Variants in OSGEPL1 observed in about 807,000 individuals in gnomAD.
The protein encoded by OSGEPL1 is tRNA N6-adenosine threonylcarbamoyltransferase, mitochondrial.
In OSGEPL1, 26 loss-of-function variants were observed where a neutral mutation model predicts 37.2. That is an observed-to-expected ratio of 0.70 (90% CI 0.51 to 0.97). The LOEUF is 0.97. Ranked by LOEUF, OSGEPL1 falls within the 50% of genes least tolerant of loss-of-function variation. The pLI, the probability that OSGEPL1 is intolerant of heterozygous loss-of-function variation, is 0.00. For synonymous variants in OSGEPL1, 140 were observed against 159.9 expected, an observed-to-expected ratio of 0.88 and a Z score of 0.94; for missense variants, 404 against 487.0, an observed-to-expected ratio of 0.83 and a Z score of 1.60.
chr2:189,749,710 A>C (rs1379151476), intron 8 of OSGEPL1, among the ~76,000 whole-genome samples: 1 of 152,216 alleles, frequency 6.6e-6, no homozygotes, highest in Non-Finnish European at 1.5e-5. Context: ...GATTTTAAAA[A>C]ATGCATAGAC....
chr2:189,749,554 A>C (rs967143427), intron 8 of OSGEPL1, among the ~76,000 whole-genome samples: 19 of 152,170 alleles, frequency 1.2e-4, no homozygotes, highest in African/African-American at 4.6e-4. Context: ...TTAAAAAAAA[A>C]TCCAAAAAAA....
chr2:189,746,819 T>C lies in OSGEPL1; in HGVS notation c.*378A>G, dbSNP rs896249210. The C allele has an allele frequency of 5.3e-6, 3 of 566,958 alleles. No individual in the cohort carries two copies. The highest frequency in any genetic ancestry group is 8.2e-6 in the Non-Finnish European group (3 of 364,110). 35.1% of individuals were successfully genotyped at this position (566,958 alleles called of 1,614,324 possible). Reference sequence around the variant, plus strand: ...AGGTCAGAGTTATGGTTTCAAAAAATTAGGATTTCTGTAAACAAAGGCCTG... The same window carrying C: ...AGGTCAGAGTTATGGTTTCAAAAAACTAGGATTTCTGTAAACAAAGGCCTG... On this transcript the variant is annotated 3_prime_UTR_variant, in exon 9 of 9. Transcript: ENST00000264151.
chr2:189,756,723 C>T (rs577012929), intron 2 of OSGEPL1, among the ~76,000 whole-genome samples: 1 of 152,224 alleles, frequency 6.6e-6, no homozygotes, highest in East Asian at 1.9e-4. Flanking sequence ...AAGTTTATCA[C>T]CACTCCCACT....
intron 7 of OSGEPL1, among the ~76,000 whole-genome samples, chr2:189,751,449 T>TG (rs1293199981): frequency 1.3e-5 from 2 of 150,510 alleles, no homozygotes; most frequent in East Asian, 3.9e-4. Flanking sequence ...GTTGTGTTTT[T>TG]TTTTTTTTTT....
intron 8 of OSGEPL1, among the ~76,000 whole-genome samples, chr2:189,749,987 G>A (rs911529111): frequency 1.3e-5 from 2 of 152,144 alleles, no homozygotes; most frequent in African/African-American, 4.8e-5. Context: ...GCCAGACGTG[G>A]TGGTGGGCTC....
At chr2:189,751,198 T>C (rs1347401128) in intron 7 of OSGEPL1, among the ~76,000 whole-genome samples, 2 of 152,198 alleles carry the variant, frequency 1.3e-5, no homozygotes, top group African/African-American at 4.8e-5. Context: ...TCTGCTTTTC[T>C]ACCATGGTGT....
At chr2:189,756,558 T>A (rs115614782) in intron 2 of OSGEPL1, among the ~76,000 whole-genome samples, 3,088 of 152,324 alleles carry the variant, frequency 0.02, 42 homozygotes, top group Non-Finnish European at 0.032. Flanking sequence ...AATGAAATGA[T>A]CTGATTTCAA....
chr2:189,754,427 A>G (rs1314254019), intron 3 of OSGEPL1, 82 bp from the exon 4 acceptor site: 1 of 1,300,400 alleles, frequency 7.7e-7, no homozygotes, highest in African/African-American at 1.5e-5. Context: ...ATTGAAAATT[A>G]CTAACAAAAC....
chr2:189,754,139 A>G lies in OSGEPL1; in HGVS notation c.814+2T>C. 6.2e-7 allele frequency: 1 copy of G among 1,613,062 alleles called. No individual in the cohort carries two copies. Among genetic ancestry groups the G allele is most frequent in the Non-Finnish European group, 8.5e-7 (1 of 1,179,444 alleles). ...GTTCAACTTTACTAATTAGAAATATACCTTCCTCTTTTTCCTTTTTCATTA... is the reference window on the plus strand; with the variant it reads ...GTTCAACTTTACTAATTAGAAATATGCCTTCCTCTTTTTCCTTTTTCATTA... On this transcript the variant is annotated splice_donor_variant, in intron 4 of 8. Transcript: ENST00000264151. LOFTEE classifies it high-confidence loss of function.
chr2:189,750,368 T>A (rs564473519), intron 8 of OSGEPL1, among the ~76,000 whole-genome samples, 182 bp downstream of exon 8: 1 of 152,038 alleles, frequency 6.6e-6, no homozygotes, highest in Non-Finnish European at 1.5e-5. Context: ...TGGTTTTTAA[T>A]AATTAAAAGA....
At chr2:189,761,369 G>T in intron 2 of OSGEPL1, 51 bp downstream of exon 2, 5 of 1,546,024 alleles carry the variant, frequency 3.2e-6, no homozygotes, top group Admixed American at 2.2e-5. Context: ...ACAAAAGAAT[G>T]ATTTTACTTT....
chr2:189,746,878 G>T lies in OSGEPL1; in HGVS notation c.*319C>A. The T allele has an allele frequency of 3.2e-6, 1 of 316,456 alleles. No homozygotes were observed. Among genetic ancestry groups the T allele is most frequent in the Middle Eastern group, 9.3e-4 (1 of 1,070 alleles). The allele number at this position is 316,456 out of a possible 1,614,324, so 19.6% of individuals were successfully genotyped here. A position where few individuals can be genotyped will look rare whatever the true frequency, so the allele number is the denominator to read the frequency against. On this transcript the variant is annotated 3_prime_UTR_variant, in exon 9 of 9. Transcript: ENST00000264151. ...CCTTAAAATTTATTGACTGACATGA[G>T]TGGTATAACTAGTGTATATATCAAG...
At chr2:189,757,388 GT>G (rs2106036491) in intron 2 of OSGEPL1, among the ~76,000 whole-genome samples, 1 of 152,310 alleles carries the variant, frequency 6.6e-6, no homozygotes, top group African/African-American at 2.4e-5. Context: ...TTTCCATGCT[GT>G]TTCACAATGA....
At position 189,761,549 on chromosome 2, in the gene OSGEPL1, C is replaced by A. The variant is rs780766000; in HGVS notation, c.92G>T (p.Gly31Val). Residue 31 changes from glycine to valine, a missense_variant, in exon 2 of 9, where the codon GGA becomes GTA. Coordinates refer to ENST00000264151, the MANE Select transcript of OSGEPL1 (RefSeq NM_022353.3). ...TACTATTTTATGAAGAAATAGTGTT[C>A]CAGGATGAAAATTAAAACTTCTTAA... Reference protein sequence around the residue: ...EFLRSFNFHPGTLFLHKIVLG... With the variant: ...EFLRSFNFHPVTLFLHKIVLG... The A allele has an allele frequency of 1.2e-6, 2 of 1,610,968 alleles. No homozygotes were observed. The highest frequency in any genetic ancestry group is 2.7e-5 in the African/African-American group (2 of 74,762).
rs2045926504 is a variant in OSGEPL1, at chr2:189,755,265, C to G, written c.517G>C (p.Gly173Arg). The G allele has an allele frequency of 1.2e-6, 2 of 1,613,464 alleles. No individual in the cohort carries two copies. Among genetic ancestry groups the G allele is most frequent in the Non-Finnish European group, 1.7e-6 (2 of 1,179,738 alleles). The part of the protein sequence containing the change: ...FPFLVLLISG[G>R]HCLLALVQGV... ...TGAACTAATGCCAACAGACAGTGAC[C>G]TCCAGAAATCAAAAGAACTAAAAAA... The change falls in exon 3 of 9, where the codon GGT becomes CGT. Residue 173 changes from glycine to arginine, a missense_variant. Transcript: ENST00000264151.
chr2:189,759,341 C>T (rs1192297362), intron 2 of OSGEPL1, among the ~76,000 whole-genome samples: 14 of 152,206 alleles, frequency 9.2e-5, no homozygotes, highest in Non-Finnish European at 1.5e-4. Flanking sequence ...CTCCGCCTCC[C>T]GGGTTCACGC....
Position 189,758,544 on chromosome 2 carries a change from C to T in OSGEPL1, c.221+2876G>A, listed in dbSNP as rs142765124. Among the ~76,000 whole-genome samples, 401 of 152,318 alleles carry T rather than the reference C, an allele frequency of 2.6e-3. 4 individuals carry two copies. Among genetic ancestry groups the T allele is most frequent in the African/African-American group, 9.2e-3 (381 of 41,566 alleles). ...GCTTCCTACACAGCCTGTGGAAACA[C>T]GAACCAATTAAACCTCTTTTCTTTA... On this transcript the variant is annotated intron_variant, in intron 2 of 8. Coordinates refer to ENST00000264151, the MANE Select transcript of OSGEPL1 (RefSeq NM_022353.3).
chr2:189,750,556 G>A lies in OSGEPL1; in HGVS notation c.*22C>T, dbSNP rs772976638. ...ATTTTAACCTTAATACTACCTTTAG[G>A]GACTTTTTTGAACAGCAGAAATCAT... On this transcript the variant is annotated 3_prime_UTR_variant, in exon 8 of 9. Transcript: ENST00000264151. 7.4e-7 allele frequency: 1 copy of A among 1,349,474 alleles called. No homozygotes were observed. Among genetic ancestry groups the A allele is most frequent in the Non-Finnish European group, 1.0e-6 (1 of 959,582 alleles). 83.6% of individuals were successfully genotyped at this position (1,349,474 alleles called of 1,614,324 possible).
In OSGEPL1 at chr2:189,762,694, G is replaced by C; in HGVS notation, c.-30C>G. On this transcript the variant is annotated 5_prime_UTR_variant, in exon 1 of 9. Transcript: ENST00000264151. Reference sequence around the variant, plus strand: ...GAGCAATTTCACCCACCTTCCACTTGGGCGGCAGTAGCTAGCACTTGTCTC... The same window carrying C: ...GAGCAATTTCACCCACCTTCCACTTCGGCGGCAGTAGCTAGCACTTGTCTC... The C allele has an allele frequency of 1.0e-6, 1 of 985,306 alleles. No individual in the cohort carries two copies. Among genetic ancestry groups the C allele is most frequent in the Non-Finnish European group, 1.2e-6 (1 of 829,930 alleles). 61.0% of individuals were successfully genotyped at this position (985,306 alleles called of 1,614,324 possible).
Sources: allele counts gnomAD v4.1 joint callset (sites outside exome capture counted in the v4.1 genomes callset), GRCh38; gene constraint gnomAD v4.1.1; transcripts MANE v1.5; gene names NCBI Gene and HGNC (gene_info 2026-07-23, HGNC 2026-07-21).